Variants in SEMA4B observed in about 807,000 individuals in gnomAD.
SEMA4B encodes the protein semaphorin 4B.
Under a neutral mutation model 88.1 loss-of-function variants are expected in SEMA4B, and 55 were observed. The ratio of observed to expected loss-of-function variants is 0.62; its 90% CI spans 0.50 to 0.78. SEMA4B has a LOEUF of 0.78. SEMA4B is among the 30% of genes least tolerant of loss of function. The probability of loss-of-function intolerance (pLI) is 0.00; values close to 1 mark genes in which losing one functional copy is unlikely to be tolerated. For synonymous variants in SEMA4B, 525 were observed against 473.6 expected (o/e 1.11, Z -1.41); for missense variants, 1,062 against 1,111.9 (o/e 0.96, Z 0.64).
In SEMA4B at chr15:90,227,855, C is replaced by T. The variant is rs577824913; in HGVS notation, c.1775-49C>T. The T allele has an allele frequency of 2.7e-5, 43 of 1,601,840 alleles. No individual in the cohort carries two copies. The South Asian group carries it at 4.0e-4, about 15-fold the overall frequency. On this transcript the variant is annotated intron_variant, in intron 13 of 13. Transcript: ENST00000411539. ...CAGAGGGAGGCAGGGGAGCTTGGAG[C>T]TACTGTGGACGCTGGCACCCCCCTA...
rs149123759 is a variant in SEMA4B at position 90,223,470 on chromosome 15, G to A, written c.862-89G>A. 57 of 1,208,538 alleles carry A rather than the reference G, an allele frequency of 4.7e-5. No homozygotes were observed. In the East Asian group the frequency reaches 1.4e-3, roughly 31 times the overall value. 74.9% of individuals were successfully genotyped at this position (1,208,538 alleles called of 1,614,324 possible). A position where few individuals can be genotyped will look rare whatever the true frequency, so the allele number is the denominator to read the frequency against. On this transcript the variant is annotated intron_variant, in intron 7 of 13. Transcript: ENST00000411539. Reference sequence around the variant, plus strand: ...TCCTGCCCTTCAGTCCTGGTGTCTGGGGTGGGTCCATTGAGGCAGTCCTGT... The same window carrying A: ...TCCTGCCCTTCAGTCCTGGTGTCTGAGGTGGGTCCATTGAGGCAGTCCTGT...
At chr15:90,220,948 G>A in intron 4 of SEMA4B, 34 bp from the exon 5 acceptor site, 1 of 1,390,074 alleles carries the variant, frequency 7.2e-7, no homozygotes. Flanking sequence ...ATTCCCTGGA[G>A]TGCCCCTGAG....
upstream of SEMA4B, among the ~76,000 whole-genome samples, chr15:90,198,881 T>C (rs1960601637): frequency 6.6e-6 from 1 of 152,124 alleles, no homozygotes; most frequent in African/African-American, 2.4e-5. Flanking sequence ...TGTGTTGTTT[T>C]GTTTAAGATG....
upstream of SEMA4B, among the ~76,000 whole-genome samples, chr15:90,196,877 T>C (rs1258397582): frequency 1.3e-5 from 2 of 152,242 alleles, no homozygotes; most frequent in Non-Finnish European, 1.5e-5. Context: ...CACTGTGGAC[T>C]AATGGATTGT....
At chr15:90,225,215 G>C in intron 10 of SEMA4B, 37 bp downstream of exon 10, 2 of 1,561,328 alleles carry the variant, frequency 1.3e-6, no homozygotes, top group Non-Finnish European at 1.7e-6. Flanking sequence ...AGGGGAAGGG[G>C]TGCACGTGGC....
At position 90,221,020 on chromosome 15, in the gene SEMA4B, G is replaced by C. The variant is rs936322733; in HGVS notation, c.522G>C (p.Gly174=). 6.2e-7 allele frequency: 1 copy of C among 1,610,954 alleles called. No homozygotes were observed. Among genetic ancestry groups the C allele is most frequent in the South Asian group, 1.1e-5 (1 of 90,164 alleles). ...ENFTLARDEK[G]NVLLEDGKGR... is the part of the protein sequence containing the mutation. ...TCACCCTGGCAAGGGACGAGAAGGG[G>C]AATGTCCTCCTGGAAGATGGCAAGG... The change falls in exon 5 of 14, where the codon GGG becomes GGC. Residue 174 remains glycine (G), a synonymous_variant. Transcript: ENST00000411539.
At chr15:90,220,199 CTCTTG>C (rs1204959782) in intron 4 of SEMA4B, 4 of 330,734 alleles carry the variant, frequency 1.2e-5, no homozygotes, top group Non-Finnish European at 2.2e-5. Context: ...TTGCTTGATT[CTCTTG>C]TCTTATCTTG....
Position 90,221,065 on chromosome 15 carries a change from G to A in SEMA4B, c.567G>A (p.Pro189=), listed in dbSNP as rs767907711. The part of the protein sequence containing the change: ...EDGKGRCPFD[P]NFKSTALVVD... ...GCAAGGGCCGTTGTCCCTTCGACCC[G>A]AATTTCAAGTCCACTGCCCTGGTGG... Residue 189 remains proline, a synonymous_variant, in exon 5 of 14, where the codon CCG becomes CCA. Transcript: ENST00000411539. 2.2e-5 allele frequency: 36 copies of A among 1,608,552 alleles called. No homozygotes were observed. The highest frequency in any genetic ancestry group is 4.0e-5 in the African/African-American group (3 of 74,862).
intron 12 of SEMA4B, among the ~76,000 whole-genome samples, chr15:90,226,429 G>A (rs753490089): frequency 6.6e-6 from 1 of 152,034 alleles, no homozygotes; most frequent in African/African-American, 2.4e-5. Flanking sequence ...CAACCTCCAC[G>A]TCCTGGGTTC....
At chr15:90,200,151 A>G (rs1377385619), upstream of SEMA4B, among the ~76,000 whole-genome samples, 3 of 152,156 alleles carry the variant, frequency 2.0e-5, no homozygotes, top group Non-Finnish European at 4.4e-5. Context: ...TGCTGTGCCC[A>G]CCCTCTTGAC....
At chr15:90,221,874 A>G (rs1961869946) in intron 7 of SEMA4B, 109 bp downstream of exon 7, 1 of 958,308 alleles carries the variant, frequency 1.0e-6, no homozygotes. Context: ...CAAGGAGTAC[A>G]GCTTGGCTAA....
rs374696815 is a variant in SEMA4B at position 90,223,951 on chromosome 15, C to T, written c.1157C>T (p.Thr386Ile). 2.3e-5 allele frequency: 37 copies of T among 1,613,516 alleles called. No individual in the cohort carries two copies. The highest frequency in any genetic ancestry group is 3.0e-5 in the Non-Finnish European group (35 of 1,179,862). Residue 386 changes from threonine to isoleucine, a missense_variant, in exon 9 of 14, where the codon ACC becomes ATC. By Grantham distance (89) the Thr-to-Ile change is moderately conservative. Transcript: ENST00000411539. ...AACCGTGAGACACAGCAGTGGTACA[C>T]CGTGACCCACCCGGTGCCCACACCC... ...EVNRETQQWY[T>I]VTHPVPTPRP...
At chr15:90,216,899 G>A (rs1961557373) in intron 1 of SEMA4B, among the ~76,000 whole-genome samples, 1 of 152,240 alleles carries the variant, frequency 6.6e-6, no homozygotes, top group Admixed American at 6.5e-5. Flanking sequence ...AATGCAAATA[G>A]CATTCACTGC....
At chr15:90,198,158 C>A (rs1960576884), upstream of SEMA4B, among the ~76,000 whole-genome samples, 1 of 151,938 alleles carries the variant, frequency 6.6e-6, no homozygotes, top group African/African-American at 2.4e-5. Flanking sequence ...ACCTCGTGAT[C>A]CGCCTGCCTC....
At chr15:90,218,111 A>C (rs1379163886) in intron 3 of SEMA4B, among the ~76,000 whole-genome samples, 1 of 152,206 alleles carries the variant, frequency 6.6e-6, no homozygotes, top group Admixed American at 6.5e-5. Context: ...CAGGAAGCTA[A>C]TAGGTGTAAG....
chr15:90,201,598 G>A lies in SEMA4B; in HGVS notation c.20G>A (p.Gly7Asp). The change falls in exon 1 of 14, where the codon GGC becomes GAC. Residue 7 changes from glycine (G) to aspartate (D), a missense_variant. Coordinates refer to ENST00000411539, the MANE Select transcript of SEMA4B (RefSeq NM_198925.4). Reference sequence around the variant, plus strand: ...CTCCGAATGCTGCGCACCGCGATGGGCCTGAGGAGCTGGCTCGCCGCCCCA... The same window carrying A: ...CTCCGAATGCTGCGCACCGCGATGGACCTGAGGAGCTGGCTCGCCGCCCCA... Reference protein sequence around the residue: MLRTAMGLRSWLAAPWG... With the variant: MLRTAMDLRSWLAAPWG... 6.6e-7 allele frequency: 1 copy of A among 1,516,998 alleles called. No individual in the cohort carries two copies. The highest frequency in any genetic ancestry group is 8.8e-7 in the Non-Finnish European group (1 of 1,140,074). 94.0% of individuals were successfully genotyped at this position (1,516,998 alleles called of 1,614,324 possible).
At chr15:90,223,455 C>T in intron 7 of SEMA4B, 104 bp from the exon 8 acceptor site, 1 of 1,030,178 alleles carries the variant, frequency 9.7e-7, no homozygotes, top group Non-Finnish European at 1.4e-6. Context: ...TCCTGCCCTT[C>T]AGTCCTGGTG....
chr15:90,202,959 G>C (rs1960816201), intron 1 of SEMA4B, among the ~76,000 whole-genome samples: 1 of 152,158 alleles, frequency 6.6e-6, no homozygotes, highest in South Asian at 2.1e-4. Flanking sequence ...AGATGACCTG[G>C]GTTCAAATGC....
chr15:90,219,192 C>T (rs1961682177), intron 3 of SEMA4B: 1 of 151,976 alleles, frequency 6.6e-6, no homozygotes, highest in Non-Finnish European at 1.5e-5. Context: ...GATGGAGCCA[C>T]CAGGATTTCT....
Sources: allele counts gnomAD v4.1 joint callset (sites outside exome capture counted in the v4.1 genomes callset), GRCh38; gene constraint gnomAD v4.1.1; transcripts MANE v1.5; gene names NCBI Gene and HGNC (gene_info 2026-07-23, HGNC 2026-07-21).